The following KNTC1 variants were observed in gnomAD, a reference collection of about 807,000 sequenced individuals.
KNTC1 encodes kinetochore associated 1, also known as kinetochore-associated protein 1.
Under a neutral mutation model 314.4 loss-of-function variants are expected in KNTC1, and 253 were observed. That is an observed-to-expected ratio of 0.80 (90% CI 0.73 to 0.89). The LOEUF (loss-of-function observed/expected upper bound fraction) is 0.89. Among genes scored for constraint, KNTC1 ranks in the 40% least tolerant of loss-of-function variants. The probability of loss-of-function intolerance (pLI) is 0.00; values close to 1 mark genes in which losing one functional copy is unlikely to be tolerated. For missense variants in KNTC1, 2,475 were observed against 2,572.9 expected (o/e 0.96, Z 0.82); for synonymous variants, 901 against 901.4 (o/e 1.00, Z 0.01).
chr12:122,618,359 A>G lies in KNTC1; in HGVS notation c.6047A>G (p.Lys2016Arg). ...TTTTCACAGGTTCCCTACTTCAGCAAAGCGTGGCAGCGTGTGATACAGATA... is the reference window on the plus strand; with the variant it reads ...TTTTCACAGGTTCCCTACTTCAGCAGAGCGTGGCAGCGTGTGATACAGATA... The part of the protein sequence containing the change: ...HSLWQVPYFS[K>R]AWQRVIQIPL... Residue 2016 changes from lysine to arginine, a missense_variant, in exon 58 of 64, where the codon AAA (lysine) becomes AGA (arginine). Lys to Arg is a conservative substitution (Grantham distance 26, BLOSUM62 2). Transcript: ENST00000333479. The G allele has an allele frequency of 1.2e-6, 2 of 1,613,782 alleles. No individual in the cohort carries two copies. The highest frequency in any genetic ancestry group is 8.5e-7 in the Non-Finnish European group (1 of 1,179,792).
intron 35 of KNTC1, 64 bp from the exon 36 acceptor site, chr12:122,584,829 G>T: frequency 3.6e-6 from 3 of 830,864 alleles, no homozygotes; most frequent in South Asian, 3.3e-5. Flanking sequence ...TTATTAAAAG[G>T]TTGTTTTCAT....
At position 122,573,157 on chromosome 12, in the gene KNTC1, A is replaced by G; in HGVS notation, c.2155A>G (p.Ile719Val). ...TGGCATCCAGGAAAATACAACCACCATAGTGTTCCGAATGTTTGATAAAGT... is the reference window on the plus strand; with the variant it reads ...TGGCATCCAGGAAAATACAACCACCGTAGTGTTCCGAATGTTTGATAAAGT... ...SDFEKENTTT[I>V]VFRMFDKVLA... The change falls in exon 26 of 64, where the codon ATA becomes GTA. Residue 719 changes from isoleucine to valine, a missense_variant. Physicochemically the swap from Ile to Val is conservative, Grantham distance 29 (BLOSUM62 3). Coordinates refer to ENST00000333479, the MANE Select transcript of KNTC1 (RefSeq NM_014708.6). 2 of 1,613,944 alleles carry G rather than the reference A, an allele frequency of 1.2e-6. No homozygotes were observed. Among genetic ancestry groups the G allele is most frequent in the East Asian group, 2.2e-5 (1 of 44,858 alleles).
At chr12:122,561,787 T>C (rs1441366245) in intron 18 of KNTC1, 134 bp from the exon 19 acceptor site, 4 of 645,444 alleles carry the variant, frequency 6.2e-6, no homozygotes, top group East Asian at 5.8e-5. Flanking sequence ...GTCAGTTCTT[T>C]ATAGTTTACT....
At chr12:122,580,490 C>T in intron 32 of KNTC1, 113 bp from the exon 33 acceptor site, 1 of 637,852 alleles carries the variant, frequency 1.6e-6, no homozygotes, top group Non-Finnish European at 2.8e-6. Context: ...TTGAGAAGAA[C>T]TACTGAAGAC....
Position 122,594,389 on chromosome 12 carries a change from A to G in KNTC1, c.4355+4A>G, listed in dbSNP as rs745672364. On this transcript the variant is annotated splice_donor_region_variant and intron_variant, in intron 43 of 63. Transcript: ENST00000333479. ...GCCTCATTTTGGAATATTGCAGGTA[A>G]TTCTTTAAACATTAACGGTATTTTT... The G allele has an allele frequency of 1.7e-5, 25 of 1,480,116 alleles. No individual in the cohort carries two copies. The highest frequency in any genetic ancestry group is 2.4e-5 in the Non-Finnish European group (25 of 1,063,550). 91.7% of individuals were successfully genotyped at this position (1,480,116 alleles called of 1,614,324 possible).
At position 122,538,417 on chromosome 12, in the gene KNTC1, T is replaced by A; in HGVS notation, c.329T>A (p.Leu110His). ...GGCGAGAGAAGTGGCAACCTACATC[T>A]TATTCATGTAACATCAAAACAAACA... ...LVGERSGNLH[L>H]IHVTSKQTLL... The change falls in exon 4 of 64, where the codon CTT becomes CAT. Residue 110 changes from leucine to histidine, a missense_variant. Physicochemically the swap from Leu to His is moderately conservative, Grantham distance 99. Coordinates refer to ENST00000333479, the MANE Select transcript of KNTC1 (RefSeq NM_014708.6). 6.2e-7 allele frequency: 1 copy of A among 1,602,508 alleles called. No individual in the cohort carries two copies. The highest frequency in any genetic ancestry group is 1.1e-5 in the South Asian group (1 of 88,514).
intron 18 of KNTC1, among the ~76,000 whole-genome samples, chr12:122,558,460 G>T (rs1963751277): frequency 6.6e-6 from 1 of 151,364 alleles, no homozygotes; most frequent in Admixed American, 6.6e-5. Context: ...GCTGAGGCAG[G>T]AGAATTGCTT....
chr12:122,616,030 C>CT (rs1873728768), intron 57 of KNTC1, among the ~76,000 whole-genome samples: 1 of 152,090 alleles, frequency 6.6e-6, no homozygotes, highest in East Asian at 1.9e-4. Flanking sequence ...CTTTGAAGAT[C>CT]TTTCATGTCA....
intron 39 of KNTC1, 36 bp downstream of exon 39, chr12:122,587,910 G>T (rs746485534): frequency 4.5e-6 from 7 of 1,568,920 alleles, no homozygotes; most frequent in South Asian, 1.2e-5. Flanking sequence ...GACTTGGGGT[G>T]AATATAGATG....
chr12:122,575,497 C>T (rs1390092825), intron 27 of KNTC1, 46 bp from the exon 28 acceptor site: 5 of 1,338,628 alleles, frequency 3.7e-6, no homozygotes, highest in Non-Finnish European at 4.2e-6. Flanking sequence ...TTGCATGCAT[C>T]GTAAACCTGA....
chr12:122,585,581 CAA>C, intron 36 of KNTC1, 53 bp from the exon 37 acceptor site: 1 of 1,578,004 alleles, frequency 6.3e-7, no homozygotes, highest in Non-Finnish European at 8.7e-7. Context: ...CCAGAAGAAA[CAA>C]TGTGTTGTGC....
chr12:122,606,597 A>G (rs1872616972), intron 51 of KNTC1, among the ~76,000 whole-genome samples: 1 of 152,144 alleles, frequency 6.6e-6, no homozygotes, highest in Non-Finnish European at 1.5e-5. Context: ...GCTGTCTTGT[A>G]TGAAAGAAAT....
intron 51 of KNTC1, among the ~76,000 whole-genome samples, chr12:122,607,875 T>C (rs780325385): frequency 6.6e-6 from 1 of 152,188 alleles, no homozygotes; most frequent in Non-Finnish European, 1.5e-5. Flanking sequence ...ACTGTATAGG[T>C]GATGTATTAC....
At chr12:122,548,745 A>T (rs1486068379) in intron 12 of KNTC1, among the ~76,000 whole-genome samples, 1 of 151,998 alleles carries the variant, frequency 6.6e-6, no homozygotes, top group Admixed American at 6.6e-5. Flanking sequence ...AGGCAGGTGG[A>T]TCACCTGAGG....
intron 40 of KNTC1, among the ~76,000 whole-genome samples, 171 bp from the exon 41 acceptor site, chr12:122,590,436 A>T (rs1445614827): frequency 6.6e-6 from 1 of 152,150 alleles, no homozygotes; most frequent in African/African-American, 2.4e-5. Context: ...AATTCAATTT[A>T]GTGGTAAATA....
Position 122,594,308 on chromosome 12 carries a change from T to A in KNTC1, c.4278T>A (p.Phe1426Leu). ...ISFQPVFRQHFLTKKDLIKAL... is the reference protein window; with the variant it reads ...ISFQPVFRQHLLTKKDLIKAL... ...TTCAACCAGTTTTCAGGCAACATTT[T>A]CTCACCAAGAAAGACCTCATTAAAG... is the stretch of plus-strand genomic sequence containing the variant. The change falls in exon 43 of 64, where the codon TTT (phenylalanine) becomes TTA (leucine). Residue 1426 changes from phenylalanine to leucine, a missense_variant. Transcript: ENST00000333479. 1 of 1,610,334 alleles carries A rather than the reference T, an allele frequency of 6.2e-7. No individual in the cohort carries two copies. Among genetic ancestry groups the A allele is most frequent in the Non-Finnish European group, 8.5e-7 (1 of 1,177,192 alleles).
At chr12:122,573,307 G>C in intron 26 of KNTC1, 22 bp downstream of exon 26, 2 of 1,604,810 alleles carry the variant, frequency 1.2e-6, no homozygotes, top group Non-Finnish European at 1.7e-6. Flanking sequence ...TTTACATCTA[G>C]TCTTATTTCT....
intron 29 of KNTC1, 91 bp from the exon 30 acceptor site, chr12:122,576,804 A>G: frequency 1.0e-6 from 1 of 979,424 alleles, no homozygotes; most frequent in Middle Eastern, 3.3e-4. Flanking sequence ...GCATTATTTA[A>G]ATTTTTTTGC....
rs1240438820 is a variant in KNTC1 at position 122,568,269 on chromosome 12, C to A, written c.1613C>A (p.Ser538Tyr). 1 of 1,505,644 alleles carries A rather than the reference C, an allele frequency of 6.6e-7. No homozygotes were observed. The highest frequency in any genetic ancestry group is 9.2e-7 in the Non-Finnish European group (1 of 1,086,788). The allele number at this position is 1,505,644 out of a possible 1,614,324, so 93.3% of individuals were successfully genotyped here. A position where few individuals can be genotyped will look rare whatever the true frequency, so the allele number is the denominator to read the frequency against. ...AFGPEKFSGS[S>Y]WIEFLNNEDD... The stretch of plus-strand genomic sequence containing the variant: ...CTTCTTTGTCTATTCAGTGGCAGTT[C>A]TTGGATTGAATTTCTAAATAATGAA... The change falls in exon 21 of 64, where the codon TCT (serine) becomes TAT (tyrosine). Residue 538 changes from serine to tyrosine, a missense_variant. Ser to Tyr is a moderately radical substitution (Grantham distance 144). Transcript: ENST00000333479.
Sources: gnomAD v4.1 joint callset for allele counts (sites outside exome capture counted in the v4.1 genomes callset) on GRCh38, gnomAD v4.1.1 for gene constraint, MANE v1.5 for transcripts, NCBI Gene and HGNC (gene_info 2026-07-23, HGNC 2026-07-21) for gene names.